C16orf89: variants seen among roughly 807,000 people sequenced by gnomAD.
The protein encoded by C16orf89 is UPF0764 protein C16orf89.
A neutral mutation model predicts 41.5 loss-of-function variants in C16orf89; 57 were observed. The observed-to-expected ratio is 1.38, with a 90% CI of 1.11 to 1.71. The LOEUF (loss-of-function observed/expected upper bound fraction) is 1.71. C16orf89 is among the 40% of genes most tolerant of loss of function. The pLI is 0.00. For missense variants in C16orf89, 575 were observed against 445.9 expected (o/e 1.29, Z -2.61); for synonymous variants, 223 against 190.6 (o/e 1.17, Z -1.40).
chr16:5,044,436 A>T lies in C16orf89; in HGVS notation c.998T>A (p.Leu333Gln). The T allele has an allele frequency of 6.2e-7, 1 of 1,612,886 alleles. No homozygotes were observed. The highest frequency in any genetic ancestry group is 8.5e-7 in the Non-Finnish European group (1 of 1,179,578). ...TGCCAGGATGTATAGGAAGCCACCC[A>T]GGGCTGCCACTGCTGTGGCTGTGTT... ...SHNTATAVAA[L>Q]GGFLYILAEY... Residue 333 changes from leucine (L) to glutamine (Q), a missense_variant, in exon 8 of 8, where the codon CTG becomes CAG. Transcript: ENST00000472572.
Position 5,065,783 on chromosome 16 carries a change from C to A in C16orf89, c.126G>T (p.Ala42=). Residue 42 remains alanine (A), a synonymous_variant, in exon 1 of 8, where the codon GCG becomes GCT. Transcript: ENST00000472572. ...CTAGGAAGACGGTGGCTCTCTCCAG[C>A]GCAGACAGGATCAGGTCTGCAATGG... ...KATIADLILS[A]LERATVFLEQ... The A allele has an allele frequency of 6.2e-7, 1 of 1,613,994 alleles. No homozygotes were observed. The highest frequency in any genetic ancestry group is 8.5e-7 in the Non-Finnish European group (1 of 1,179,814).
At chr16:5,047,470 T>TG (rs1567150209) in intron 7 of C16orf89, among the ~76,000 whole-genome samples, 24 of 136,220 alleles carry the variant, frequency 1.8e-4, no homozygotes, top group African/African-American at 5.9e-4. Context: ...TTTCTTTCTT[T>TG]CTTTTTTTTT....
intron 2 of C16orf89, 91 bp from the exon 3 acceptor site, chr16:5,060,527 TGCCCACTGGCA>T: frequency 7.4e-7 from 1 of 1,352,486 alleles, no homozygotes; most frequent in Non-Finnish European, 1.0e-6. Flanking sequence ...CCTGCAGCCC[TGCCCACTGGCA>T]GGTGCAGCTC....
rs533613024 is a variant in C16orf89, at chr16:5,065,582, C to T, written c.208+119G>A. 1.8e-4 allele frequency: 224 copies of T among 1,215,680 alleles called. 1 individual carries two copies. The East Asian group carries it at 4.2e-3, about 23-fold the overall frequency. 75.3% of individuals were successfully genotyped at this position (1,215,680 alleles called of 1,614,324 possible). The stretch of plus-strand genomic sequence containing the variant: ...CCCTGGCCTCCTCTCTCCTTATAGC[C>T]GAGGCAGGCTATACTGGGGCCAGGA... On this transcript the variant is annotated intron_variant, in intron 1 of 7. Coordinates refer to ENST00000472572, the MANE Select transcript of C16orf89 (RefSeq NM_001098514.3).
At chr16:5,056,242 C>T in intron 4 of C16orf89, 54 bp from the exon 5 acceptor site, 2 of 1,510,476 alleles carry the variant, frequency 1.3e-6, no homozygotes, top group Admixed American at 1.8e-5. Context: ...ATGACAGACA[C>T]ACGCCCTGCT....
In C16orf89 at chr16:5,056,109, C is replaced by A; in HGVS notation, c.707G>T (p.Arg236Leu). 1.3e-6 allele frequency: 2 copies of A among 1,599,428 alleles called. No individual in the cohort carries two copies. The highest frequency in any genetic ancestry group is 3.3e-4 in the Middle Eastern group (2 of 6,032). The change falls in exon 5 of 8, where the codon CGC becomes CTC. Residue 236 changes from arginine (R) to leucine (L), a missense_variant. Physicochemically the swap from Arg to Leu is moderately radical, Grantham distance 102. Coordinates refer to ENST00000472572, the MANE Select transcript of C16orf89 (RefSeq NM_001098514.3). ...GGCGTATCCGATGGCCTCAGCTCTG[C>A]GGTTCAAGTCCATCATGTTGGCGCA... Reference protein sequence around the residue: ...LFCANMMDLNRRAEAIGYAYP... With the variant: ...LFCANMMDLNLRAEAIGYAYP...
chr16:5,061,306 C>T (rs995336948), intron 2 of C16orf89, among the ~76,000 whole-genome samples: 1 of 147,422 alleles, frequency 6.8e-6, no homozygotes, highest in Non-Finnish European at 1.5e-5. Flanking sequence ...TGGCGCATGC[C>T]TGTAGTCCCA....
chr16:5,047,837 T>C (rs1435597268), intron 7 of C16orf89, 41 bp downstream of exon 7: 3 of 1,143,240 alleles, frequency 2.6e-6, no homozygotes, highest in Non-Finnish European at 4.0e-6. Context: ...CTAGGATATC[T>C]TAGTTTCATG....
chr16:5,060,578 G>T, intron 2 of C16orf89, 142 bp from the exon 3 acceptor site: 2 of 847,342 alleles, frequency 2.4e-6, no homozygotes, highest in East Asian at 2.9e-5. Flanking sequence ...CCTGGTCCCA[G>T]ATTGGGTTTG....
intron 6 of C16orf89, among the ~76,000 whole-genome samples, chr16:5,054,514 C>A (rs1285461078): frequency 6.6e-6 from 1 of 152,156 alleles, no homozygotes; most frequent in Admixed American, 6.5e-5. Flanking sequence ...AATTATTTCA[C>A]TTCTTGGTTT....
chr16:5,044,602 G>A lies in C16orf89; in HGVS notation c.956-124C>T, dbSNP rs534936133. On this transcript the variant is annotated intron_variant, in intron 7 of 7. Transcript: ENST00000472572. ...TCACACCTATAATCCCACACTTTGG[G>A]AGCCTGAGGTGGGCGGATCTCTTGA... 18 of 1,514,256 alleles carry A rather than the reference G, an allele frequency of 1.2e-5. No individual in the cohort carries two copies. In the South Asian group the frequency reaches 2.2e-4, roughly 18 times the overall value. The allele number at this position is 1,514,256 out of a possible 1,614,324, so 93.8% of individuals were successfully genotyped here. A position where few individuals can be genotyped will look rare whatever the true frequency, so the allele number is the denominator to read the frequency against.
rs180894427 is a variant in C16orf89, at chr16:5,047,115, G to C, written c.955+763C>G. Among the ~76,000 whole-genome samples the C allele has an allele frequency of 2.1e-3, 319 of 152,226 alleles. 4 individuals are homozygous for C. Among genetic ancestry groups the C allele is most frequent in the African/African-American group, 4.5e-3 (188 of 41,538 alleles). On this transcript the variant is annotated intron_variant, in intron 7 of 7. Coordinates refer to ENST00000472572, the MANE Select transcript of C16orf89 (RefSeq NM_001098514.3). ...CAACAGGAGGTGCAGGTGGAATGAG[G>C]GGAGAAGCCAGAATATTTCTCCCTT...
intron 2 of C16orf89, among the ~76,000 whole-genome samples, chr16:5,061,986 A>C (rs1486714311): frequency 6.6e-6 from 1 of 152,232 alleles, no homozygotes; most frequent in Non-Finnish European, 1.5e-5. Context: ...GTTTTGAAAA[A>C]TAGTGTGTGG....
rs150798896 is a variant in C16orf89 at position 5,045,810 on chromosome 16, A to G, written c.956-1332T>C. ...CAAACCCTGTGCTCCTAATCTCTAC[A>G]CCAGCTGCCTCCTGCTCCGTGGGCT... is the stretch of plus-strand genomic sequence containing the variant. On this transcript the variant is annotated intron_variant, in intron 7 of 7. Transcript: ENST00000472572. 5.6e-3 allele frequency among the ~76,000 whole-genome samples: 857 copies of G among 152,152 alleles called. 5 individuals carry two copies. Among genetic ancestry groups the G allele is most frequent in the African/African-American group, 0.02 (811 of 41,522 alleles).
Position 5,044,276 on chromosome 16 carries a change from C to T in C16orf89, c.*72G>A, listed in dbSNP as rs1956252613. The T allele has an allele frequency of 3.3e-6, 5 of 1,498,084 alleles. No individual in the cohort carries two copies. The highest frequency in any genetic ancestry group is 2.3e-5 in the Admixed American group (1 of 42,720). The allele number at this position is 1,498,084 out of a possible 1,614,324, so 92.8% of individuals were successfully genotyped here. A position where few individuals can be genotyped will look rare whatever the true frequency, so the allele number is the denominator to read the frequency against. ...TTCTTCCCAGGATGTGATCCGTGCC[C>T]TCCAGGATCTAAGGGATGAGGACTA... is the stretch of plus-strand genomic sequence containing the variant. On this transcript the variant is annotated 3_prime_UTR_variant, in exon 8 of 8. Transcript: ENST00000472572.
Position 5,058,529 on chromosome 16 carries a change from C to T in C16orf89, c.591G>A (p.Leu197=), listed in dbSNP as rs373125840. The T allele has an allele frequency of 3.1e-6, 5 of 1,612,224 alleles. No homozygotes were observed. Among genetic ancestry groups the T allele is most frequent in the African/African-American group, 2.7e-5 (2 of 74,906 alleles). The change falls in exon 4 of 8, where the codon CTG becomes CTA. Residue 197 remains leucine (L), a synonymous_variant. Coordinates refer to ENST00000472572, the MANE Select transcript of C16orf89 (RefSeq NM_001098514.3). ...AGAGGAAGAAGAGCAGTTGGTGGGA[C>T]AGGCAGTAGCCTGAGCAGCCGGGCT... ...MTKPGCSGYC[L]SHQLLFFLWA... is the part of the protein sequence containing the mutation.
At chr16:5,050,466 A>C in intron 6 of C16orf89, among the ~76,000 whole-genome samples, 1 of 152,286 alleles carries the variant, frequency 6.6e-6, no homozygotes, top group East Asian at 1.9e-4. Context: ...TGAACAGACC[A>C]ATTATGAGTA....
chr16:5,056,573 G>C (rs963673099), intron 4 of C16orf89, among the ~76,000 whole-genome samples: 5 of 152,040 alleles, frequency 3.3e-5, no homozygotes, highest in Non-Finnish European at 7.4e-5. Context: ...GACCGATCGC[G>C]GGGGCAATGC....
chr16:5,058,648 G>A (rs373104511), intron 3 of C16orf89, 38 bp from the exon 4 acceptor site: 291 of 1,508,998 alleles, frequency 1.9e-4, no homozygotes, highest in Non-Finnish European at 2.4e-4. Context: ...AGGATGGAGC[G>A]CTGACTCTGC....
Sources: gnomAD v4.1 joint callset for allele counts (sites outside exome capture counted in the v4.1 genomes callset) on GRCh38, gnomAD v4.1.1 for gene constraint, MANE v1.5 for transcripts, NCBI Gene and HGNC (gene_info 2026-07-23, HGNC 2026-07-21) for gene names.